Variants in STAC observed in about 807,000 individuals in gnomAD.
STAC encodes the protein SH3 and cysteine rich domain, also known as SH3 and cysteine-rich domain-containing protein.
STAC carries 43 observed loss-of-function variants against 48.8 expected under a neutral mutation model. That is an observed-to-expected ratio of 0.88 (90% CI 0.69 to 1.14). The LOEUF is 1.14. Among genes scored for constraint, STAC ranks in the 50% most tolerant of loss-of-function variants. The pLI is 0.00. For synonymous variants in STAC, 193 were observed against 179.5 expected, an observed-to-expected ratio of 1.07 and a Z score of -0.60; for missense variants, 497 against 504.0, an observed-to-expected ratio of 0.99 and a Z score of 0.13.
intron 1 of STAC, among the ~76,000 whole-genome samples, chr3:36,402,914 C>A (rs758849557): frequency 5.9e-5 from 9 of 152,160 alleles, no homozygotes; most frequent in Non-Finnish European, 1.0e-4. Flanking sequence ...CCCATATGAT[C>A]AAGCTAGTTA....
chr3:36,456,349 A>T (rs1696854672), intron 2 of STAC, among the ~76,000 whole-genome samples: 3 of 152,096 alleles, frequency 2.0e-5, no homozygotes, highest in Admixed American at 2.0e-4. Flanking sequence ...TTGTACGGAG[A>T]TTTCAAGGAA....
intron 2 of STAC, among the ~76,000 whole-genome samples, chr3:36,445,122 G>A (rs1696472131): frequency 6.6e-6 from 1 of 152,280 alleles, no homozygotes; most frequent in East Asian, 1.9e-4. Flanking sequence ...AAAGACAGAG[G>A]ATGTGTTTTT....
intron 5 of STAC, among the ~76,000 whole-genome samples, chr3:36,487,696 G>T (rs568947871): frequency 1.3e-5 from 2 of 152,308 alleles, no homozygotes; most frequent in African/African-American, 2.4e-5. Flanking sequence ...ATTTTATTAA[G>T]ATTGAGAACG....
intron 2 of STAC, among the ~76,000 whole-genome samples, chr3:36,465,024 C>A (rs141070064): frequency 5.3e-4 from 80 of 152,160 alleles, no homozygotes; most frequent in Admixed American, 1.6e-3. Context: ...ACTTTTAGTT[C>A]TTTACAGAGT....
At chr3:36,432,388 C>T (rs746213541) in intron 1 of STAC, among the ~76,000 whole-genome samples, 11 of 152,212 alleles carry the variant, frequency 7.2e-5, no homozygotes, top group South Asian at 4.1e-4. Context: ...TCTATCTCTG[C>T]ACACAAAGGG....
chr3:36,417,159 G>T (rs1700337761), intron 1 of STAC, among the ~76,000 whole-genome samples: 1 of 152,206 alleles, frequency 6.6e-6, no homozygotes, highest in South Asian at 2.1e-4. Context: ...GGACAAGAGT[G>T]TAGGAGGCAA....
At chr3:36,473,227 C>T (rs1409033037) in intron 2 of STAC, among the ~76,000 whole-genome samples, 10 of 152,094 alleles carry the variant, frequency 6.6e-5, no homozygotes, top group Admixed American at 6.5e-4. Context: ...CAATTACCTC[C>T]CCCTGGGTCC....
At chr3:36,535,328 CT>C (rs572651986) in intron 10 of STAC, among the ~76,000 whole-genome samples, 152 of 152,232 alleles carry the variant, frequency 1.0e-3, no homozygotes, top group African/African-American at 3.4e-3. Flanking sequence ...ATTTTGTATC[CT>C]GAGACTTTGC....
At chr3:36,467,391 G>A (rs58775847) in intron 2 of STAC, among the ~76,000 whole-genome samples, 20,481 of 151,944 alleles carry the variant, frequency 0.13, 1,584 homozygotes, top group African/African-American at 0.21. Flanking sequence ...CTGTTTCTCC[G>A]TCTTTTGGAA....
rs369314754 is a variant in STAC, at chr3:36,402,121, A to G, written c.111+21367A>G. On this transcript the variant is annotated intron_variant, in intron 1 of 10. Coordinates refer to ENST00000273183, the MANE Select transcript of STAC (RefSeq NM_003149.3). ...TTGTTTTTGTTTTAAACTTTTCCAC[A>G]TTCATATTCCTGAAGCAGTATTGGC... Among the ~76,000 whole-genome samples, 159 of 152,284 alleles carry G rather than the reference A, an allele frequency of 1.0e-3. 1 individual carries two copies. Among genetic ancestry groups the G allele is most frequent in the African/African-American group, 3.7e-3 (153 of 41,560 alleles).
At position 36,380,599 on chromosome 3, in the gene STAC, C is replaced by T; in HGVS notation, c.-45C>T. 2.7e-6 allele frequency: 4 copies of T among 1,463,756 alleles called. No individual in the cohort carries two copies. Among genetic ancestry groups the T allele is most frequent in the Non-Finnish European group, 3.7e-6 (4 of 1,067,796 alleles). 90.7% of individuals were successfully genotyped at this position (1,463,756 alleles called of 1,614,324 possible). A position where few individuals can be genotyped will look rare whatever the true frequency, so the allele number is the denominator to read the frequency against. ...CGGGCAGGGCGCGCAGGACAGAAGC[C>T]TCGCTGTTCCTCCGGGAGCCCAACA... On this transcript the variant is annotated 5_prime_UTR_variant, in exon 1 of 11. Coordinates refer to ENST00000273183, the MANE Select transcript of STAC (RefSeq NM_003149.3).
chr3:36,429,829 A>G (rs1420843477), intron 1 of STAC, among the ~76,000 whole-genome samples: 5 of 151,970 alleles, frequency 3.3e-5, no homozygotes, highest in Admixed American at 3.3e-4. Context: ...TCTTGAATCT[A>G]GCTTACCCTG....
At chr3:36,543,350 G>C (rs988845466) in intron 10 of STAC, among the ~76,000 whole-genome samples, 3 of 152,154 alleles carry the variant, frequency 2.0e-5, no homozygotes, top group Non-Finnish European at 4.4e-5. Context: ...TTTCTGGATA[G>C]AGTCAAAGCG....
At chr3:36,508,970 T>C (rs1476298459) in intron 8 of STAC, among the ~76,000 whole-genome samples, 1 of 152,188 alleles carries the variant, frequency 6.6e-6, no homozygotes, top group Non-Finnish European at 1.5e-5. Context: ...TGATGCTAGC[T>C]GGTTATTTTG....
intron 2 of STAC, among the ~76,000 whole-genome samples, chr3:36,455,781 G>T (rs1191375498): frequency 1.3e-5 from 2 of 152,178 alleles, no homozygotes; most frequent in East Asian, 3.9e-4. Context: ...GTGTGTGTGT[G>T]TGTGTGTCTA....
rs577169732 is a variant in STAC, at chr3:36,387,655, T to C, written c.111+6901T>C. Among the ~76,000 whole-genome samples the C allele has an allele frequency of 1.2e-3, 185 of 152,264 alleles. 1 individual carries two copies. Among genetic ancestry groups the C allele is most frequent in the Non-Finnish European group, 2.2e-3 (147 of 67,958 alleles). On this transcript the variant is annotated intron_variant, in intron 1 of 10. Transcript: ENST00000273183. ...TTCACAGCTCATCTATGTTGTGGCA[T>C]GTATCAGAATTCCCTTCTTTTTTAA...
At chr3:36,440,251 G>A (rs891068751) in intron 1 of STAC, among the ~76,000 whole-genome samples, 1 of 152,232 alleles carries the variant, frequency 6.6e-6, no homozygotes, top group African/African-American at 2.4e-5. Flanking sequence ...GGAGGGTGGG[G>A]AGAACAGCAT....
intron 1 of STAC, among the ~76,000 whole-genome samples, chr3:36,404,548 G>A (rs749364936): frequency 2.0e-5 from 3 of 152,100 alleles, no homozygotes; most frequent in Non-Finnish European, 4.4e-5. Flanking sequence ...TCATGCAGCA[G>A]TATTTATAAC....
At chr3:36,412,924 C>A (rs1264526575) in intron 1 of STAC, among the ~76,000 whole-genome samples, 1 of 152,108 alleles carries the variant, frequency 6.6e-6, no homozygotes, top group Admixed American at 6.5e-5. Context: ...GCATACATTT[C>A]GTTATGTACC....
Sources: allele counts gnomAD v4.1 joint callset (sites outside exome capture counted in the v4.1 genomes callset), GRCh38; gene constraint gnomAD v4.1.1; transcripts MANE v1.5; gene names NCBI Gene and HGNC (gene_info 2026-07-23, HGNC 2026-07-21).